The following DYNC2I1 variants were observed in gnomAD, a reference collection of about 807,000 sequenced individuals.
The protein encoded by DYNC2I1 is cytoplasmic dynein 2 intermediate chain 1.
Under a neutral mutation model 133.4 loss-of-function variants are expected in DYNC2I1, and 89 were observed. That is an observed-to-expected ratio of 0.67 (90% confidence interval 0.56 to 0.80). The LOEUF (loss-of-function observed/expected upper bound fraction) is 0.80, where lower values mean the gene tolerates loss of function less well. DYNC2I1 is among the 30% of genes least tolerant of loss of function. DYNC2I1 has a pLI of 0.00. For synonymous variants in DYNC2I1, 504 were observed against 484.3 expected, an observed-to-expected ratio of 1.04 and a Z score of -0.54; for missense variants, 1,291 against 1,314.5, an observed-to-expected ratio of 0.98 and a Z score of 0.28.
At chr7:158,859,861 G>T (rs1337415511) in intron 1 of DYNC2I1, among the ~76,000 whole-genome samples, 1 of 152,178 alleles carries the variant, frequency 6.6e-6, no homozygotes, top group African/African-American at 2.4e-5. Flanking sequence ...ATGAATTCCT[G>T]TAACAGGTTC....
chr7:158,882,107 A>G (rs1844091850), intron 5 of DYNC2I1, among the ~76,000 whole-genome samples: 1 of 152,218 alleles, frequency 6.6e-6, no homozygotes, highest in Non-Finnish European at 1.5e-5. Context: ...GTCCCAGAAG[A>G]AAGATTATTC....
chr7:158,890,355 T>C (rs1845081771), intron 7 of DYNC2I1, among the ~76,000 whole-genome samples: 1 of 152,188 alleles, frequency 6.6e-6, no homozygotes, highest in African/African-American at 2.4e-5. Flanking sequence ...GATGTGTTTT[T>C]TTCTAGAAAA....
In DYNC2I1 at chr7:158,898,589, T is replaced by G. The variant is rs1845950670; in HGVS notation, c.1060-3150T>G. 2.0e-5 allele frequency among the ~76,000 whole-genome samples: 3 copies of G among 152,262 alleles called. No homozygotes were observed. In the South Asian group the frequency reaches 6.2e-4, roughly 31 times the overall value. On this transcript the variant is annotated intron_variant, in intron 8 of 24. Transcript: ENST00000407559. ...TGATTAGTGTGAGCATGGTATATTT[T>G]TCTTCATTTGGGTTTCCTGAAGACA... is the stretch of plus-strand genomic sequence containing the variant.
At chr7:158,937,549 C>G (rs1229167638) in intron 23 of DYNC2I1, among the ~76,000 whole-genome samples, 1 of 148,176 alleles carries the variant, frequency 6.7e-6, no homozygotes, top group Admixed American at 6.9e-5. Context: ...TGGTGTGAAC[C>G]TGGGAGGCAG....
intron 21 of DYNC2I1, 140 bp from the exon 22 acceptor site, chr7:158,933,983 TAGAAAC>T: frequency 3.3e-6 from 2 of 605,900 alleles, no homozygotes; most frequent in Admixed American, 3.6e-5. Flanking sequence ...CAGAAGAAAA[TAGAAAC>T]AGAGTGGCTA....
chr7:158,869,988 C>T (rs1842735456), intron 2 of DYNC2I1, 80 bp downstream of exon 2: 3 of 1,230,610 alleles, frequency 2.4e-6, no homozygotes, highest in African/African-American at 3.0e-5. Flanking sequence ...TGGTACACAA[C>T]ACTGTATAAC....
chr7:158,954,706 C>A (rs1193069036), intron 4 of DYNC2I1, among the ~76,000 whole-genome samples: 1 of 152,154 alleles, frequency 6.6e-6, no homozygotes, highest in Non-Finnish European at 1.5e-5. Flanking sequence ...TTGAAGACAA[C>A]TGAAATTATA....
intron 5 of DYNC2I1, among the ~76,000 whole-genome samples, chr7:158,883,784 C>G (rs995105911): frequency 6.0e-5 from 9 of 149,020 alleles, no homozygotes; most frequent in Non-Finnish European, 1.2e-4. Context: ...CTGCCTCAGC[C>G]TCCCGAGTAG....
intron 14 of DYNC2I1, among the ~76,000 whole-genome samples, chr7:158,916,182 G>T (rs1460011043): frequency 1.4e-5 from 1 of 70,188 alleles, no homozygotes; most frequent in Non-Finnish European, 3.4e-5. Flanking sequence ...ACGTCGACAC[G>T]CTGGTTGACA....
upstream of DYNC2I1, among the ~76,000 whole-genome samples, chr7:158,855,343 G>C (rs774678051): frequency 6.6e-5 from 10 of 152,164 alleles, no homozygotes; most frequent in Non-Finnish European, 1.3e-4. Flanking sequence ...CACAAGATCT[G>C]ATGAGCCAGT....
chr7:158,865,539 A>G (rs1049298655), intron 1 of DYNC2I1, among the ~76,000 whole-genome samples: 1 of 152,168 alleles, frequency 6.6e-6, no homozygotes, highest in Non-Finnish European at 1.5e-5. Flanking sequence ...GGCCCAGGAC[A>G]GGTGCTTGCA....
In DYNC2I1 at chr7:158,897,366, G is replaced by C. The variant is rs1845852292; in HGVS notation, c.1060-4373G>C. On this transcript the variant is annotated intron_variant, in intron 8 of 24. Coordinates refer to ENST00000407559, the MANE Select transcript of DYNC2I1 (RefSeq NM_018051.5). ...CCAGTATTAGTGCTTTCTAGCACTA[G>C]CTGGGCCTTGTGTTTTCTTTTTTAG... Among the ~76,000 whole-genome samples, 3 of 152,186 alleles carry C rather than the reference G, an allele frequency of 2.0e-5. 1 individual carries two copies.
chr7:158,914,564 A>G (rs981344075), intron 14 of DYNC2I1, among the ~76,000 whole-genome samples: 1 of 152,210 alleles, frequency 6.6e-6, no homozygotes, highest in Admixed American at 6.5e-5. Flanking sequence ...TTGGATTGTG[A>G]ATTTTATTAT....
the DYNC2I1 span, among the ~76,000 whole-genome samples, chr7:158,846,276 T>A: frequency 2.0e-5 from 3 of 151,698 alleles, no homozygotes; most frequent in Non-Finnish European, 4.4e-5. Flanking sequence ...AATAAATAAA[T>A]AAAATAAAAC....
In DYNC2I1 at chr7:158,912,837, A is replaced by G; in HGVS notation, c.1591-148A>G. 8.8e-6 allele frequency: 5 copies of G among 570,472 alleles called. 1 individual carries two copies. The South Asian group carries it at 1.1e-4, about 12-fold the overall frequency. The allele number at this position is 570,472 out of a possible 1,614,324, so 35.3% of individuals were successfully genotyped here. On this transcript the variant is annotated intron_variant, in intron 12 of 24. Coordinates refer to ENST00000407559, the MANE Select transcript of DYNC2I1 (RefSeq NM_018051.5). Reference sequence around the variant, plus strand: ...ATTAGACCTGTATATATCTATATCGAACGTTTAAGCACAGGTTGTCTTTGC... The same window carrying G: ...ATTAGACCTGTATATATCTATATCGGACGTTTAAGCACAGGTTGTCTTTGC...
chr7:158,881,667 A>G (rs541016764), intron 5 of DYNC2I1, among the ~76,000 whole-genome samples: 36 of 152,098 alleles, frequency 2.4e-4, no homozygotes, highest in East Asian at 1.9e-4. Context: ...GTTAGCCAGG[A>G]TGGTCTCAAT....
chr7:158,866,617 G>A (rs923083316), intron 1 of DYNC2I1, among the ~76,000 whole-genome samples: 5 of 152,126 alleles, frequency 3.3e-5, no homozygotes, highest in African/African-American at 1.2e-4. Context: ...GGGCGTGGTG[G>A]CTCACAACTG....
At chr7:158,924,072 A>G (rs1048726527) in intron 17 of DYNC2I1, among the ~76,000 whole-genome samples, 1 of 152,206 alleles carries the variant, frequency 6.6e-6, no homozygotes, top group Non-Finnish European at 1.5e-5. Flanking sequence ...GAGCAAAGCC[A>G]GTCACCCTGA....
In DYNC2I1 at chr7:158,881,699, C is replaced by T. The variant is rs547552879; in HGVS notation, c.879+1710C>T. On this transcript the variant is annotated intron_variant, in intron 5 of 24. Coordinates refer to ENST00000407559, the MANE Select transcript of DYNC2I1 (RefSeq NM_018051.5). ...CAATCTCCTGACCTCATGATCCGCC[C>T]GCCTTGGCCTCCCAAAGTGCTGGGA... 6.3e-3 allele frequency among the ~76,000 whole-genome samples: 958 copies of T among 152,234 alleles called. 7 individuals carry two copies. The highest frequency in any genetic ancestry group is 0.01 in the Non-Finnish European group (711 of 68,012).
Sources: allele counts gnomAD v4.1 joint callset (sites outside exome capture counted in the v4.1 genomes callset), GRCh38; gene constraint gnomAD v4.1.1; transcripts MANE v1.5; gene names NCBI Gene and HGNC (gene_info 2026-07-23, HGNC 2026-07-21).